The following ZNF638 variants were observed in gnomAD, a reference collection of about 807,000 sequenced individuals.
ZNF638 encodes the protein CTCL tumor antigen se33-1.
ZNF638 carries 46 observed loss-of-function variants against 195.6 expected under a neutral mutation model. The ratio of observed to expected loss-of-function variants is 0.24; its 90% CI spans 0.19 to 0.30. ZNF638 has a LOEUF of 0.30. Ranked by LOEUF, ZNF638 falls within the 10% of genes least tolerant of loss-of-function variation. The pLI, the probability that ZNF638 is intolerant of heterozygous loss-of-function variation, is 1.00. For missense variants in ZNF638, 2,440 were observed against 2,325.3 expected (o/e 1.05, Z -1.01); for synonymous variants, 845 against 772.0 (o/e 1.09, Z -1.57).
At chr2:71,418,509 T>TTTTA in intron 20 of ZNF638, 93 bp from the exon 21 acceptor site, 2 of 887,274 alleles carry the variant, frequency 2.3e-6, no homozygotes, top group Non-Finnish European at 3.3e-6. Flanking sequence ...TTTTTTTTTT[T>TTTTA]GAGCTTAAAT....
chr2:71,362,827 T>TG (rs2079131949), intron 3 of ZNF638, among the ~76,000 whole-genome samples: 1 of 152,210 alleles, frequency 6.6e-6, no homozygotes, highest in Non-Finnish European at 1.5e-5. Context: ...ATAGGAGTGG[T>TG]GTTCCCTAGA....
chr2:71,393,404 G>C (rs1558865166), intron 10 of ZNF638: 1 of 718,668 alleles, frequency 1.4e-6, no homozygotes, highest in Non-Finnish European at 2.6e-6. Flanking sequence ...GCCCTCTTTG[G>C]ATTCCAGTAC....
At chr2:71,376,672 T>A (rs1037612724) in intron 8 of ZNF638, among the ~76,000 whole-genome samples, 3 of 151,752 alleles carry the variant, frequency 2.0e-5, no homozygotes, top group South Asian at 2.1e-4. Flanking sequence ...ATGTAACATC[T>A]TCTCCATTTT....
At chr2:71,400,396 A>T in intron 14 of ZNF638, 82 bp from the exon 15 acceptor site, 2 of 1,345,958 alleles carry the variant, frequency 1.5e-6, no homozygotes. Flanking sequence ...GTTTTCATGT[A>T]GCTACTGTTT....
intron 22 of ZNF638, among the ~76,000 whole-genome samples, chr2:71,424,439 G>C (rs2080494736): frequency 6.6e-6 from 1 of 152,162 alleles, no homozygotes; most frequent in Admixed American, 6.5e-5. Context: ...GAAAAGATCA[G>C]TAAAACTGAA....
At chr2:71,434,707 A>G (rs2080732433) in intron 27 of ZNF638, 35 bp from the exon 28 acceptor site, 1 of 1,575,798 alleles carries the variant, frequency 6.3e-7, no homozygotes, top group Admixed American at 1.7e-5. Context: ...AATAACGTCT[A>G]ATAAGTATTT....
chr2:71,399,999 A>G, intron 13 of ZNF638, 113 bp from the exon 14 acceptor site: 1 of 779,326 alleles, frequency 1.3e-6, no homozygotes. Context: ...GGCTTATGTC[A>G]GGTCAGCCTA....
intron 4 of ZNF638, 62 bp downstream of exon 4, chr2:71,363,253 T>C (rs1041744306): frequency 8.0e-7 from 1 of 1,253,918 alleles, no homozygotes; most frequent in South Asian, 1.4e-5. Context: ...AAACAGTTAA[T>C]TTTAAGAAAG....
Position 71,365,681 on chromosome 2 carries a change from A to T in ZNF638, c.1970A>T (p.Asp657Val), listed in dbSNP as rs1307920747. The T allele has an allele frequency of 6.2e-7, 1 of 1,612,438 alleles. No homozygotes were observed. Among genetic ancestry groups the T allele is most frequent in the Non-Finnish European group, 8.5e-7 (1 of 1,179,370 alleles). ...DTLSECKQVSDKAVSLQRKLR... is the reference protein window; with the variant it reads ...DTLSECKQVSVKAVSLQRKLR... ...TTGTCAGAATGTAAACAGGTGTCTG[A>T]TAAAGCTGTTTCTCTCCAGCGAAAG... The change falls in exon 6 of 28, where the codon GAT (aspartate) becomes GTT (valine). Residue 657 changes from aspartate (D) to valine (V), a missense_variant. Coordinates refer to ENST00000264447, the MANE Select transcript of ZNF638 (RefSeq NM_014497.5).
At chr2:71,385,484 G>GT (rs1185006247) in intron 10 of ZNF638, among the ~76,000 whole-genome samples, 1 of 117,734 alleles carries the variant, frequency 8.5e-6, no homozygotes, top group Non-Finnish European at 2.2e-5. Context: ...GAACAGATTA[G>GT]TGATAGTCAG....
chr2:71,358,027 C>T (rs568289872), intron 3 of ZNF638, among the ~76,000 whole-genome samples: 13 of 152,100 alleles, frequency 8.5e-5, no homozygotes, highest in East Asian at 1.9e-4. Flanking sequence ...CATTCCCTTC[C>T]GAGGCTCTGG....
At chr2:71,365,731 T>G in intron 6 of ZNF638, 25 bp downstream of exon 6, 3 of 1,561,970 alleles carry the variant, frequency 1.9e-6, no homozygotes, top group Non-Finnish European at 2.6e-6. Context: ...AATAATTATT[T>G]TTAGAGATAA....
rs768980255 is a variant in ZNF638 at position 71,428,607 on chromosome 2, T to G, written c.5606T>G (p.Val1869Gly). The G allele has an allele frequency of 8.1e-6, 13 of 1,613,920 alleles. No homozygotes were observed. The highest frequency in any genetic ancestry group is 2.5e-6 in the Non-Finnish European group (3 of 1,179,998). Reference sequence around the variant, plus strand: ...ACTCTGCCATCAGAAAAAGCTGTTGTGACAGAACCAGCAAAAGGTGAAGAG... The same window carrying G: ...ACTCTGCCATCAGAAAAAGCTGTTGGGACAGAACCAGCAAAAGGTGAAGAG... ...GKTLPSEKAV[V>G]TEPAKGEEAF... Residue 1869 changes from valine to glycine, a missense_variant, in exon 25 of 28, where the codon GTG becomes GGG. This residue lies in a region of ZNF638 where 1,883 missense variants were observed against 1,739.1 expected (regional missense o/e 1.08). Coordinates refer to ENST00000264447, the MANE Select transcript of ZNF638 (RefSeq NM_014497.5).
At chr2:71,405,474 T>G (rs990311948) in intron 17 of ZNF638, 127 bp from the exon 18 acceptor site, 23 of 609,780 alleles carry the variant, frequency 3.8e-5, no homozygotes, top group East Asian at 2.0e-4. Flanking sequence ...TCTTGCTGCT[T>G]CTTAATTTTA....
chr2:71,355,258 A>G (rs2079006075), intron 2 of ZNF638, among the ~76,000 whole-genome samples: 2 of 152,116 alleles, frequency 1.3e-5, no homozygotes, highest in East Asian at 3.9e-4. Flanking sequence ...GCCCGGCGGC[A>G]TTTTTTGATT....
chr2:71,356,468 T>A (rs1046268535), intron 3 of ZNF638, among the ~76,000 whole-genome samples: 9 of 152,224 alleles, frequency 5.9e-5, no homozygotes, highest in African/African-American at 1.9e-4. Flanking sequence ...GATTTGAGAT[T>A]ATTATTGAGA....
At chr2:71,404,849 G>A (rs117124833) in intron 17 of ZNF638, among the ~76,000 whole-genome samples, 1 of 152,146 alleles carries the variant, frequency 6.6e-6, no homozygotes, top group Non-Finnish European at 1.5e-5. Context: ...ACCCTTCAGT[G>A]CCTCTATGTG....
rs77516842 is a variant in ZNF638 at position 71,434,668 on chromosome 2, T to C, written c.5872-74T>C. The C allele has an allele frequency of 6.4e-4, 771 of 1,200,464 alleles. 5 individuals carry two copies. The African/African-American group carries it at 0.01, about 16-fold the overall frequency. 74.4% of individuals were successfully genotyped at this position (1,200,464 alleles called of 1,614,324 possible). Reference sequence around the variant, plus strand: ...ATCAGTTTCTTTTAAATTATAAATATACAGTAGATAAGTTTGCACACATAG... The same window carrying C: ...ATCAGTTTCTTTTAAATTATAAATACACAGTAGATAAGTTTGCACACATAG... On this transcript the variant is annotated intron_variant, in intron 27 of 27. Transcript: ENST00000264447.
At chr2:71,347,377 A>C (rs1309267168) in intron 1 of ZNF638, among the ~76,000 whole-genome samples, 1 of 152,186 alleles carries the variant, frequency 6.6e-6, no homozygotes, top group Non-Finnish European at 1.5e-5. Context: ...AAATGATTGG[A>C]GGGAAGGGTG....
Sources: allele counts gnomAD v4.1 joint callset (sites outside exome capture counted in the v4.1 genomes callset), GRCh38; gene constraint gnomAD v4.1.1; regional missense constraint gnomAD v4.1.1; transcripts MANE v1.5; gene names NCBI Gene and HGNC (gene_info 2026-07-23, HGNC 2026-07-21).